Variants in GTF2A2 observed in about 807,000 individuals in gnomAD.
GTF2A2 encodes the protein transcription initiation factor IIA subunit 2.
Under a neutral mutation model 14.3 loss-of-function variants are expected in GTF2A2, and 9 were observed. The ratio of observed to expected loss-of-function variants is 0.63; its 90% CI spans 0.38 to 1.10. The LOEUF (loss-of-function observed/expected upper bound fraction) is 1.10. Ranked by LOEUF, GTF2A2 falls within the 50% of genes least tolerant of loss-of-function variation. GTF2A2 has a pLI of 0.01. For synonymous variants in GTF2A2, 56 were observed against 46.0 expected (o/e 1.22, Z -0.88); for missense variants, 90 against 124.6 (o/e 0.72, Z 1.32).
intron 3 of GTF2A2, 34 bp downstream of exon 3, chr15:59,650,635 G>T: frequency 8.4e-7 from 1 of 1,185,028 alleles, no homozygotes; most frequent in Non-Finnish European, 1.3e-6. Flanking sequence ...ACAACCATTG[G>T]TACAGGCTTC....
At chr15:59,646,528 C>T (rs1235022326) in intron 3 of GTF2A2, among the ~76,000 whole-genome samples, 2 of 152,088 alleles carry the variant, frequency 1.3e-5, no homozygotes, top group African/African-American at 4.8e-5. Context: ...AAAGCAAGTC[C>T]TTGGGATTTA....
At chr15:59,646,245 C>T (rs896154812) in intron 3 of GTF2A2, among the ~76,000 whole-genome samples, 27 of 151,998 alleles carry the variant, frequency 1.8e-4, no homozygotes, top group African/African-American at 5.1e-4. Context: ...TTAGTAGACA[C>T]GGGTTTTACC....
At chr15:59,649,994 T>C (rs1274030439) in intron 3 of GTF2A2, among the ~76,000 whole-genome samples, 2 of 152,200 alleles carry the variant, frequency 1.3e-5, no homozygotes, top group African/African-American at 4.8e-5. Flanking sequence ...GTTAGATAAA[T>C]AATAAGCAAA....
At chr15:59,645,695 T>C (rs1294519562) in intron 3 of GTF2A2, among the ~76,000 whole-genome samples, 1 of 152,130 alleles carries the variant, frequency 6.6e-6, no homozygotes, top group Non-Finnish European at 1.5e-5. Context: ...AACTCAACGT[T>C]CATTTCCAGC....
At chr15:59,640,301 C>T (rs1350229370) in intron 4 of GTF2A2, 1 of 152,140 alleles carries the variant, frequency 6.6e-6, no homozygotes, top group African/African-American at 2.4e-5. Flanking sequence ...CAGACAGGAG[C>T]TCCTATCAGT....
chr15:59,641,754 A>ATAACTC (rs1464477318), intron 4 of GTF2A2, among the ~76,000 whole-genome samples: 9 of 152,204 alleles, frequency 5.9e-5, no homozygotes, highest in Admixed American at 5.9e-4. Flanking sequence ...CCTGTTTAAA[A>ATAACTC]TAACTCTTTA....
chr15:59,643,127 T>A (rs1440764133), intron 3 of GTF2A2, among the ~76,000 whole-genome samples: 1 of 141,722 alleles, frequency 7.1e-6, no homozygotes, highest in Admixed American at 7.5e-5. Flanking sequence ...TTGCCCAGGC[T>A]GCAGTGCAGT....
At chr15:59,645,213 G>C (rs758449340) in intron 3 of GTF2A2, among the ~76,000 whole-genome samples, 11 of 152,148 alleles carry the variant, frequency 7.2e-5, no homozygotes, top group Non-Finnish European at 1.6e-4. Context: ...GGAACTTGTT[G>C]AATTTCAGGT....
chr15:59,652,080 T>C, intron 2 of GTF2A2, 126 bp downstream of exon 2: 1 of 630,146 alleles, frequency 1.6e-6, no homozygotes, highest in Admixed American at 2.9e-5. Context: ...TTAATCAGTG[T>C]TACTGACTTG....
chr15:59,649,142 T>C (rs1276341176), intron 3 of GTF2A2, among the ~76,000 whole-genome samples: 1 of 152,150 alleles, frequency 6.6e-6, no homozygotes, highest in Non-Finnish European at 1.5e-5. Flanking sequence ...TATGCTACAC[T>C]AAGCTAAACA....
chr15:59,638,968 TGTAAGAG>T lies in GTF2A2; in HGVS notation c.*157_*163del, dbSNP rs1566921410. ...TTTTCATGCTGTATAATAAAGGTGA[TGTAAGAG>T]GCTACAGAGTTACAAGTTTCTTTCT... On this transcript the variant is annotated 3_prime_UTR_variant, in exon 5 of 5. Transcript: ENST00000396060. 1.6e-6 allele frequency: 1 copy of T among 606,170 alleles called. No homozygotes were observed. The highest frequency in any genetic ancestry group is 1.9e-5 in the African/African-American group (1 of 52,914). The allele number at this position is 606,170 out of a possible 1,614,324, so 37.5% of individuals were successfully genotyped here. A position where few individuals can be genotyped will look rare whatever the true frequency, so the allele number is the denominator to read the frequency against.
intron 4 of GTF2A2, among the ~76,000 whole-genome samples, chr15:59,641,297 A>G (rs1401869507): frequency 6.6e-6 from 1 of 151,900 alleles, no homozygotes; most frequent in Non-Finnish European, 1.5e-5. Flanking sequence ...AGGTAGTGTT[A>G]CAGAGAACGT....
rs548423218 is a variant in GTF2A2 at position 59,638,740 on chromosome 15, C to T, written c.*392G>A. On this transcript the variant is annotated 3_prime_UTR_variant, in exon 5 of 5. Transcript: ENST00000396060. ...ATGCTTTCATCAGGTAAAGTTACAA[C>T]TGACAAAACATGACTTTATTGAAAT... 1 of 156,972 alleles carries T rather than the reference C, an allele frequency of 6.4e-6. No homozygotes were observed. The highest frequency in any genetic ancestry group is 1.9e-4 in the East Asian group (1 of 5,384). The allele number at this position is 156,972 out of a possible 1,614,324, so 9.7% of individuals were successfully genotyped here.
intron 3 of GTF2A2, among the ~76,000 whole-genome samples, chr15:59,648,542 T>C (rs1405415175): frequency 1.3e-5 from 2 of 151,736 alleles, no homozygotes; most frequent in Admixed American, 6.6e-5. Context: ...AATTAAAACA[T>C]ATAAATGATT....
Position 59,638,119 on chromosome 15 carries a change from G to A in GTF2A2, c.*1013C>T, listed in dbSNP as rs1347353623. On this transcript the variant is annotated 3_prime_UTR_variant, in exon 5 of 5. Coordinates refer to ENST00000396060, the MANE Select transcript of GTF2A2 (RefSeq NM_004492.3). ...GGGACAGTCTATATTGGCCAGGCTG[G>A]TCTCCAACTCCTGGACTCAAGTAAT... 2 of 152,100 alleles carry A rather than the reference G, an allele frequency of 1.3e-5. No homozygotes were observed. Among genetic ancestry groups the A allele is most frequent in the African/African-American group, 4.8e-5 (2 of 41,406 alleles). The allele number at this position is 152,100 out of a possible 1,614,324, so 9.4% of individuals were successfully genotyped here.
At position 59,657,413 on chromosome 15, in the gene GTF2A2, G is replaced by C. The variant is rs1000821168; in HGVS notation, c.-57C>G. On this transcript the variant is annotated 5_prime_UTR_variant, in exon 1 of 5. Coordinates refer to ENST00000396060, the MANE Select transcript of GTF2A2 (RefSeq NM_004492.3). ...CCCTCCCTAACCCACTACCTGTGGG[G>C]AAGGCGCTTCCCTCCGCGGAGCGGA... The C allele has an allele frequency of 2.0e-5, 3 of 152,360 alleles. No homozygotes were observed. Among genetic ancestry groups the C allele is most frequent in the African/African-American group, 7.2e-5 (3 of 41,454 alleles). 9.4% of individuals were successfully genotyped at this position (152,360 alleles called of 1,614,324 possible).
chr15:59,640,645 G>C lies in GTF2A2; in HGVS notation c.305-1488C>G, dbSNP rs187736430. ...AAAAAAAGTTCTAAGCAGTACTGGT[G>C]TATGTCATTAATTCATTTTGATAGA... On this transcript the variant is annotated intron_variant, in intron 4 of 4. Coordinates refer to ENST00000396060, the MANE Select transcript of GTF2A2 (RefSeq NM_004492.3). 4.7e-4 allele frequency among the ~76,000 whole-genome samples: 72 copies of C among 152,310 alleles called. 1 individual carries two copies. Among genetic ancestry groups the C allele is most frequent in the Admixed American group, 4.7e-3 (72 of 15,300 alleles).
rs557664455 is a variant in GTF2A2, at chr15:59,652,078, T to C, written c.72+128A>G. The C allele has an allele frequency of 3.7e-5, 23 of 624,310 alleles. No individual in the cohort carries two copies. The South Asian group carries it at 4.3e-4, about 12-fold the overall frequency. 38.7% of individuals were successfully genotyped at this position (624,310 alleles called of 1,614,324 possible). On this transcript the variant is annotated intron_variant, in intron 2 of 4. Coordinates refer to ENST00000396060, the MANE Select transcript of GTF2A2 (RefSeq NM_004492.3). ...CAAGAATTTGAGGTAATTTAATCAGTGTTACTGACTTGCTGGGTCAAATAG... is the reference window on the plus strand; with the variant it reads ...CAAGAATTTGAGGTAATTTAATCAGCGTTACTGACTTGCTGGGTCAAATAG...
At chr15:59,640,708 A>T (rs1052072718) in intron 4 of GTF2A2, among the ~76,000 whole-genome samples, 51 of 152,316 alleles carry the variant, frequency 3.3e-4, no homozygotes, top group African/African-American at 1.2e-3. Flanking sequence ...AATTCTACAG[A>T]CTAATAAAAA....
Sources: allele counts gnomAD v4.1 joint callset (sites outside exome capture counted in the v4.1 genomes callset), GRCh38; gene constraint gnomAD v4.1.1; transcripts MANE v1.5; gene names NCBI Gene and HGNC (gene_info 2026-07-23, HGNC 2026-07-21).